Variants in RIMS1 observed in about 807,000 individuals in gnomAD.
RIMS1 encodes regulating synaptic membrane exocytosis 1.
Under a neutral mutation model 214.1 loss-of-function variants are expected in RIMS1, and 83 were observed. That is an observed-to-expected ratio of 0.39 (90% CI 0.32 to 0.47). RIMS1 has a LOEUF of 0.47. RIMS1 is among the 20% of genes least tolerant of loss of function. The pLI, the probability that RIMS1 is intolerant of heterozygous loss-of-function variation, is 0.99. For missense variants in RIMS1, 2,050 were observed against 2,161.8 expected, an observed-to-expected ratio of 0.95 and a Z score of 1.03; for synonymous variants, 793 against 786.8, an observed-to-expected ratio of 1.01 and a Z score of -0.13.
chr6:72,181,994 T>C (rs1158312715), intron 5 of RIMS1, among the ~76,000 whole-genome samples: 2 of 152,182 alleles, frequency 1.3e-5, no homozygotes, highest in Non-Finnish European at 2.9e-5. Flanking sequence ...GAAAAGTAAA[T>C]TGATTCAATG....
chr6:72,317,601 A>G (rs570464656), intron 28 of RIMS1, among the ~76,000 whole-genome samples: 1 of 152,334 alleles, frequency 6.6e-6, no homozygotes, highest in Middle Eastern at 3.4e-3. Flanking sequence ...TTATGTTTGA[A>G]AAGTGTTATA....
At chr6:72,212,229 G>A (rs1353611195) in intron 6 of RIMS1, among the ~76,000 whole-genome samples, 3 of 151,536 alleles carry the variant, frequency 2.0e-5, no homozygotes, top group African/African-American at 2.4e-5. Context: ...TCATAAATTA[G>A]GAATATGCAT....
At chr6:71,901,434 A>C (rs1773570150) in intron 1 of RIMS1, among the ~76,000 whole-genome samples, 2 of 152,186 alleles carry the variant, frequency 1.3e-5, no homozygotes, top group South Asian at 4.1e-4. Context: ...TTCCACAATA[A>C]ACAGGAATAA....
chr6:72,058,890 A>G (rs1827088959), intron 2 of RIMS1, among the ~76,000 whole-genome samples: 1 of 152,180 alleles, frequency 6.6e-6, no homozygotes, highest in Non-Finnish European at 1.5e-5. Flanking sequence ...TGACCTCTTT[A>G]TCTGTATAAT....
chr6:72,243,760 TAAG>T (rs907566745), intron 10 of RIMS1, among the ~76,000 whole-genome samples: 4 of 151,772 alleles, frequency 2.6e-5, no homozygotes, highest in Middle Eastern at 3.4e-3. Flanking sequence ...GAAAATTAAT[TAAG>T]AAGTAATCAT....
chr6:71,901,725 A>C (rs1383214200), intron 1 of RIMS1, among the ~76,000 whole-genome samples: 1 of 152,114 alleles, frequency 6.6e-6, no homozygotes, highest in Non-Finnish European at 1.5e-5. Flanking sequence ...CATTTGTCAA[A>C]ACTGACCAAA....
chr6:72,084,886 A>G (rs531702457), intron 2 of RIMS1, among the ~76,000 whole-genome samples: 1 of 152,284 alleles, frequency 6.6e-6, no homozygotes, highest in South Asian at 2.1e-4. Flanking sequence ...CATAAAAACT[A>G]CCAACAATAG....
At chr6:71,987,490 C>G (rs1427890553) in intron 2 of RIMS1, among the ~76,000 whole-genome samples, 1 of 152,210 alleles carries the variant, frequency 6.6e-6, no homozygotes, top group African/African-American at 2.4e-5. Context: ...TGACTTAACT[C>G]TCAAAGGTCC....
At chr6:71,932,733 C>G (rs528229610) in intron 1 of RIMS1, among the ~76,000 whole-genome samples, 23 of 152,142 alleles carry the variant, frequency 1.5e-4, no homozygotes, top group African/African-American at 5.3e-4. Flanking sequence ...CCTTTAGCCT[C>G]CAGAGCAGCT....
chr6:72,104,140 A>C (rs2034242928), intron 4 of RIMS1, among the ~76,000 whole-genome samples: 1 of 152,260 alleles, frequency 6.6e-6, no homozygotes, highest in African/African-American at 2.4e-5. Context: ...TTGGAATTTA[A>C]TATCTGTCTG....
intron 2 of RIMS1, among the ~76,000 whole-genome samples, chr6:72,004,755 A>T (rs1806768838): frequency 6.6e-6 from 1 of 151,726 alleles, no homozygotes; most frequent in African/African-American, 2.4e-5. Flanking sequence ...AGTTCTTTGT[A>T]GATTCTGGAT....
intron 19 of RIMS1, chr6:72,262,585 A>C (rs1166794804): frequency 2.1e-6 from 2 of 965,802 alleles, no homozygotes; most frequent in Non-Finnish European, 2.5e-6. Context: ...ATGAGTTCAA[A>C]AATACGTGCA....
At chr6:72,087,635 G>C (rs1302814013) in intron 2 of RIMS1, among the ~76,000 whole-genome samples, 1 of 152,160 alleles carries the variant, frequency 6.6e-6, no homozygotes, top group Non-Finnish European at 1.5e-5. Context: ...CCAAGAAACT[G>C]TTGCCATGAC....
At chr6:72,027,557 C>T (rs1193478014) in intron 2 of RIMS1, among the ~76,000 whole-genome samples, 1 of 152,060 alleles carries the variant, frequency 6.6e-6, no homozygotes, top group African/African-American at 2.4e-5. Context: ...GTAGTTCTAT[C>T]TCCCTATCAA....
At chr6:72,180,522 T>C (rs140328191) in intron 5 of RIMS1, among the ~76,000 whole-genome samples, 133 of 152,314 alleles carry the variant, frequency 8.7e-4, no homozygotes, top group African/African-American at 3.0e-3. Flanking sequence ...AAGGGACAGG[T>C]TACATTTTAT....
At chr6:72,129,030 A>T (rs1451592822) in intron 4 of RIMS1, among the ~76,000 whole-genome samples, 4 of 152,158 alleles carry the variant, frequency 2.6e-5, no homozygotes, top group Non-Finnish European at 5.9e-5. Flanking sequence ...TACTGCCTTT[A>T]ACAAATTTTA....
chr6:72,092,547 G>C (rs1197180839), intron 2 of RIMS1, among the ~76,000 whole-genome samples: 4 of 152,146 alleles, frequency 2.6e-5, no homozygotes, highest in African/African-American at 9.7e-5. Flanking sequence ...GTCTATACCA[G>C]TAGTTTAAAC....
chr6:72,025,463 A>AT (rs1156271210), intron 2 of RIMS1, among the ~76,000 whole-genome samples: 2 of 152,228 alleles, frequency 1.3e-5, no homozygotes, highest in Non-Finnish European at 2.9e-5. Context: ...TTTGCAAAAT[A>AT]TTTATATATT....
At chr6:71,932,590 G>C (rs1783376564) in intron 1 of RIMS1, among the ~76,000 whole-genome samples, 1 of 151,980 alleles carries the variant, frequency 6.6e-6, no homozygotes, top group Non-Finnish European at 1.5e-5. Flanking sequence ...AAGTTTAGCT[G>C]TGTAACAAAC....
Sources: allele counts gnomAD v4.1 joint callset (sites outside exome capture counted in the v4.1 genomes callset), GRCh38; gene constraint gnomAD v4.1.1; transcripts MANE v1.5; gene names NCBI Gene and HGNC (gene_info 2026-07-23, HGNC 2026-07-21).